BRD8: variants seen among roughly 807,000 people sequenced by gnomAD.
The protein encoded by BRD8 is bromodomain-containing protein 8.
BRD8 carries 67 observed loss-of-function variants against 143.1 expected under a neutral mutation model. The ratio of observed to expected loss-of-function variants is 0.47; its 90% CI spans 0.38 to 0.57. BRD8 has a LOEUF of 0.57. Ranked by LOEUF, BRD8 falls within the 20% of genes least tolerant of loss-of-function variation. The pLI is 0.00. For synonymous variants in BRD8, 505 were observed against 517.1 expected (o/e 0.98, Z 0.32); for missense variants, 1,103 against 1,503.0 (o/e 0.73, Z 4.40).
At chr5:138,163,412 ATCTG>A in intron 14 of BRD8, 68 bp from the exon 15 acceptor site, 1 of 1,563,916 alleles carries the variant, frequency 6.4e-7, no homozygotes. Context: ...ATTAAACATG[ATCTG>A]TCTTTTGGGT....
intron 2 of BRD8, among the ~76,000 whole-genome samples, chr5:138,173,397 C>CAAA (rs34972519): frequency 7.0e-6 from 1 of 141,944 alleles, no homozygotes. Flanking sequence ...GACTCCATCT[C>CAAA]AAAAAAAAAA....
At chr5:138,171,475 A>C in intron 3 of BRD8, 65 bp from the exon 4 acceptor site, 1 of 1,047,936 alleles carries the variant, frequency 9.5e-7, no homozygotes, top group Admixed American at 1.8e-5. Flanking sequence ...GACCTTTCAA[A>C]GTTTCAAGAG....
chr5:138,139,866 C>A lies in BRD8; in HGVS notation c.*208G>T. ...GCCGATGGAACAAAGATGTGGGCAA[C>A]ATTTATGGCATAAATCCAAACCTCA... is the stretch of plus-strand genomic sequence containing the variant. On this transcript the variant is annotated 3_prime_UTR_variant, in exon 27 of 27. Coordinates refer to ENST00000254900, the MANE Select transcript of BRD8 (RefSeq NM_139199.2). 1 of 537,640 alleles carries A rather than the reference C, an allele frequency of 1.9e-6. No individual in the cohort carries two copies. The highest frequency in any genetic ancestry group is 3.3e-6 in the Non-Finnish European group (1 of 303,976). The allele number at this position is 537,640 out of a possible 1,614,324, so 33.3% of individuals were successfully genotyped here. A position where few individuals can be genotyped will look rare whatever the true frequency, so the allele number is the denominator to read the frequency against.
At chr5:138,168,684 G>T in intron 8 of BRD8, 3 of 1,558,016 alleles carry the variant, frequency 1.9e-6, no homozygotes, top group Non-Finnish European at 2.6e-6. Flanking sequence ...AGTCCCGGGG[G>T]TTACCTAAGA....
At chr5:138,156,598 C>T (rs993481881) in intron 20 of BRD8, among the ~76,000 whole-genome samples, 1 of 152,144 alleles carries the variant, frequency 6.6e-6, no homozygotes, top group Admixed American at 6.5e-5. Flanking sequence ...CTTCTTTAAG[C>T]AATGCCATGA....
At chr5:138,144,203 G>T (rs1414286743) in intron 25 of BRD8, among the ~76,000 whole-genome samples, 1 of 152,004 alleles carries the variant, frequency 6.6e-6, no homozygotes, top group African/African-American at 2.4e-5. Flanking sequence ...CAACCCACTG[G>T]GAGGAACGAA....
intron 22 of BRD8, 79 bp downstream of exon 22, chr5:138,150,666 G>C (rs536336306): frequency 1.4e-6 from 2 of 1,452,450 alleles, no homozygotes; most frequent in Non-Finnish European, 9.2e-7. Context: ...TCTGGAGTTA[G>C]CCTATGTGCT....
Position 138,171,158 on chromosome 5 carries a change from C to T in BRD8, c.239G>A (p.Arg80Gln). 2 of 1,604,126 alleles carry T rather than the reference C, an allele frequency of 1.2e-6. No individual in the cohort carries two copies. Among genetic ancestry groups the T allele is most frequent in the Non-Finnish European group, 1.7e-6 (2 of 1,177,160 alleles). ...ELLETTETPK[R>Q]KRGEKGEVVE... ...CACTTCTCCCTTTTCACCTCGTTTC[C>T]GTCTGTGGAAAATTGAAAAAAAAAA... is the stretch of plus-strand genomic sequence containing the variant. Residue 80 changes from arginine (R) to glutamine (Q), a missense_variant and splice_region_variant, in exon 5 of 27, where the codon CGG (arginine) becomes CAG (glutamine). Physicochemically the swap from Arg to Gln is conservative, Grantham distance 43. Around this residue, in one of 7 missense-constraint regions of BRD8, gnomAD observed 69 missense variants for 121.6 expected, o/e 0.57. Transcript: ENST00000254900.
intron 15 of BRD8, 147 bp from the exon 16 acceptor site, chr5:138,162,293 G>C: frequency 1.6e-6 from 1 of 626,054 alleles, no homozygotes; most frequent in Non-Finnish European, 2.7e-6. Context: ...CAACCTCCCA[G>C]ACTCAATCCT....
At position 138,140,839 on chromosome 5, in the gene BRD8, G is replaced by T. The variant is rs780263380; in HGVS notation, c.3481C>A (p.Arg1161=). 2.5e-6 allele frequency: 4 copies of T among 1,614,178 alleles called. No homozygotes were observed. In the South Asian group the frequency reaches 4.4e-5, roughly 18 times the overall value. ...AGGAATTGGGCCATGGTGCGAATCC[G>T]ACCCTTAGAGAGATTTCTCTTCAGG... ...TSLKRNLSKG[R]IRTMAQFLRD... is the part of the protein sequence containing the mutation. The change falls in exon 26 of 27, where the codon CGG becomes AGG. Residue 1161 remains arginine, a synonymous_variant. Transcript: ENST00000254900.
chr5:138,176,251 C>G (rs368259548), intron 2 of BRD8, among the ~76,000 whole-genome samples: 1 of 152,024 alleles, frequency 6.6e-6, no homozygotes, highest in African/African-American at 2.4e-5. Context: ...CAGAAGAGCA[C>G]GTATCATTCC....
Position 138,145,235 on chromosome 5 carries a change from G to C in BRD8, c.3379C>G (p.Pro1127Ala), listed in dbSNP as rs754224978. 6.2e-7 allele frequency: 1 copy of C among 1,613,890 alleles called. No individual in the cohort carries two copies. The highest frequency in any genetic ancestry group is 1.1e-5 in the South Asian group (1 of 91,044). Reference protein sequence around the residue: ...KMIASHRFSSPFLKPVSERQA... With the variant: ...KMIASHRFSSAFLKPVSERQA... ...CTTTCTGACACAGGCTTCAGAAATGGACTGCTGAACCTGTTAAGGGACAAA... is the reference window on the plus strand; with the variant it reads ...CTTTCTGACACAGGCTTCAGAAATGCACTGCTGAACCTGTTAAGGGACAAA... The change falls in exon 25 of 27, where the codon CCA becomes GCA. Residue 1127 changes from proline (P) to alanine (A), a missense_variant. By Grantham distance (27) the Pro-to-Ala change is conservative. Coordinates refer to ENST00000254900, the MANE Select transcript of BRD8 (RefSeq NM_139199.2).
intron 20 of BRD8, among the ~76,000 whole-genome samples, chr5:138,155,498 TAA>T (rs113571750): frequency 1.4e-5 from 2 of 144,594 alleles, no homozygotes; most frequent in South Asian, 2.2e-4. Flanking sequence ...ACTCATCACT[TAA>T]AAAAAAAAAA....
chr5:138,157,273 T>A, intron 20 of BRD8: 1 of 1,613,536 alleles, frequency 6.2e-7, no homozygotes, highest in African/African-American at 1.3e-5. Context: ...CCATCCTAGA[T>A]GACAGGCAGA....
chr5:138,164,122 C>T lies in BRD8; in HGVS notation c.1837G>A (p.Glu613Lys). The T allele has an allele frequency of 6.2e-7, 1 of 1,614,094 alleles. No individual in the cohort carries two copies. ...CTTCCAAAAATAGTCCCTGATTCTT[C>T]TTTCAATGAGTCTGCAGAGGAGAGA... is the stretch of plus-strand genomic sequence containing the variant. The part of the protein sequence containing the change: ...HKFEMSDSLK[E>K]ESGTIFGSQI... Residue 613 changes from glutamate to lysine, a missense_variant, in exon 14 of 27, where the codon GAA becomes AAA. This residue lies in a region of BRD8 where 75 missense variants were observed against 111.7 expected (regional missense o/e 0.67). Transcript: ENST00000254900.
At chr5:138,172,934 G>T in intron 2 of BRD8, 1 of 181,044 alleles carries the variant, frequency 5.5e-6, no homozygotes, top group Non-Finnish European at 1.2e-5. Flanking sequence ...AGGGGAAAAA[G>T]AAAATATTTG....
At chr5:138,164,666 T>C (rs375035037) in intron 12 of BRD8, 48 bp downstream of exon 12, 8 of 1,588,950 alleles carry the variant, frequency 5.0e-6, no homozygotes, top group South Asian at 2.3e-5. Flanking sequence ...TCACTTCTTA[T>C]CTAAGGTATA....
chr5:138,151,457 C>G (rs1019405172), intron 21 of BRD8, among the ~76,000 whole-genome samples: 1 of 152,158 alleles, frequency 6.6e-6, no homozygotes, highest in Non-Finnish European at 1.5e-5. Context: ...TATTTCTGGT[C>G]CTCAGCCCTT....
intron 25 of BRD8, 47 bp downstream of exon 25, chr5:138,145,130 G>A (rs763484727): frequency 3.9e-6 from 6 of 1,531,124 alleles, no homozygotes; most frequent in Non-Finnish European, 5.3e-6. Context: ...AAAATGAAAA[G>A]GCAGATATAA....
Sources: gnomAD v4.1 joint callset for allele counts (sites outside exome capture counted in the v4.1 genomes callset) on GRCh38, gnomAD v4.1.1 for gene constraint, gnomAD v4.1.1 regional missense constraint, MANE v1.5 for transcripts, NCBI Gene and HGNC (gene_info 2026-07-23, HGNC 2026-07-21) for gene names.